Variants in ANK3 observed in about 807,000 individuals in gnomAD.
ANK3 encodes the protein ankyrin-3.
In ANK3, 57 loss-of-function variants were observed where a neutral mutation model predicts 370.9. That is an observed-to-expected ratio of 0.15 (90% CI 0.12 to 0.19). The LOEUF (loss-of-function observed/expected upper bound fraction) is 0.19, where lower values mean the gene tolerates loss of function less well. ANK3 is among the 10% of genes least tolerant of loss of function. ANK3 has a pLI of 1.00. For missense variants in ANK3, 4,439 were observed against 5,302.1 expected (o/e 0.84, Z 5.06); for synonymous variants, 1,929 against 1,946.3 (o/e 0.99, Z 0.23).
Position 60,173,198 on chromosome 10 carries a change from A to AT in ANK3, c.2185-13dup, listed in dbSNP as rs758997055. The AT allele has an allele frequency of 5.0e-6, 8 of 1,584,846 alleles. No homozygotes were observed. In the South Asian group the frequency reaches 5.8e-5, roughly 11 times the overall value. On this transcript the variant is annotated splice_polypyrimidine_tract_variant and intron_variant, in intron 18 of 43. Coordinates refer to ENST00000280772, the MANE Select transcript of ANK3 (RefSeq NM_020987.5). ...GGTGTGTATCCCATCTGTAATTATT[A>AT]TTTTTTTAAAAAAGAAGCATCATAA...
chr10:60,715,557 GCA>G (rs1420712192), intron 1 of ANK3, among the ~76,000 whole-genome samples: 1 of 152,134 alleles, frequency 6.6e-6, no homozygotes, highest in Non-Finnish European at 1.5e-5. Flanking sequence ...TTAAACAAAA[GCA>G]CAGAGACAGG....
chr10:60,061,686 T>C (rs2080497446), intron 40 of ANK3, among the ~76,000 whole-genome samples: 1 of 152,108 alleles, frequency 6.6e-6, no homozygotes, highest in Admixed American at 6.6e-5. Context: ...TCATTACCCA[T>C]TGTGTTTGTT....
At chr10:60,654,615 T>C (rs1308147886) in intron 1 of ANK3, among the ~76,000 whole-genome samples, 2 of 152,202 alleles carry the variant, frequency 1.3e-5, no homozygotes, top group African/African-American at 4.8e-5. Flanking sequence ...AATGTTAAAC[T>C]TGCTTTCCTG....
chr10:60,453,582 T>C (rs764718198), intron 2 of ANK3, among the ~76,000 whole-genome samples: 46 of 152,156 alleles, frequency 3.0e-4, no homozygotes, highest in Admixed American at 7.9e-4. Flanking sequence ...AAGATACACA[T>C]GAAAAAATGG....
At chr10:60,540,921 C>G (rs1224213128) in intron 2 of ANK3, among the ~76,000 whole-genome samples, 1 of 151,782 alleles carries the variant, frequency 6.6e-6, no homozygotes, top group Non-Finnish European at 1.5e-5. Flanking sequence ...ATATTTGCAA[C>G]AGCATGTATA....
chr10:60,067,064 C>T (rs1193578811), intron 38 of ANK3, among the ~76,000 whole-genome samples: 1 of 152,116 alleles, frequency 6.6e-6, no homozygotes, highest in Non-Finnish European at 1.5e-5. Context: ...GGACGACAGG[C>T]ATGCACCACC....
At chr10:60,130,474 A>C (rs1052223572) in intron 25 of ANK3, among the ~76,000 whole-genome samples, 1 of 152,218 alleles carries the variant, frequency 6.6e-6, no homozygotes, top group African/African-American at 2.4e-5. Context: ...TTAACTGGGC[A>C]ATGACAGTGC....
chr10:60,300,661 G>T, intron 1 of ANK3: 1 of 641,582 alleles, frequency 1.6e-6, no homozygotes, highest in Non-Finnish European at 1.9e-6. Context: ...AGGGCAATCA[G>T]CTGGGGATTG....
chr10:60,434,307 C>T (rs1248606608), intron 2 of ANK3, among the ~76,000 whole-genome samples: 2 of 152,088 alleles, frequency 1.3e-5, no homozygotes, highest in Non-Finnish European at 2.9e-5. Flanking sequence ...TATAGCATAG[C>T]CCATGTTTTC....
chr10:60,326,787 C>T (rs1040378409), intron 1 of ANK3, among the ~76,000 whole-genome samples: 2 of 152,072 alleles, frequency 1.3e-5, no homozygotes, highest in African/African-American at 2.4e-5. Flanking sequence ...TTCAGGAGGC[C>T]GAGGCGGGCG....
At chr10:60,400,647 G>T (rs372826033) in intron 2 of ANK3, among the ~76,000 whole-genome samples, 1 of 152,096 alleles carries the variant, frequency 6.6e-6, no homozygotes, top group South Asian at 2.1e-4. Flanking sequence ...AGATTCTAAA[G>T]AAACAAGTCT....
chr10:60,402,841 G>A (rs1438936711), intron 2 of ANK3, among the ~76,000 whole-genome samples: 2 of 152,140 alleles, frequency 1.3e-5, no homozygotes, highest in African/African-American at 2.4e-5. Flanking sequence ...GTGGGAACCT[G>A]CCTGAACCAT....
At chr10:60,045,365 G>A (rs776985181) in intron 42 of ANK3, among the ~76,000 whole-genome samples, 11 of 152,072 alleles carry the variant, frequency 7.2e-5, no homozygotes, top group South Asian at 2.1e-4. Flanking sequence ...CAGGGTGGGC[G>A]CCTATTTTCC....
chr10:60,651,021 A>G (rs958759486), intron 1 of ANK3, among the ~76,000 whole-genome samples: 4 of 152,170 alleles, frequency 2.6e-5, no homozygotes, highest in Admixed American at 2.0e-4. Flanking sequence ...GCTTGAGCAC[A>G]GAAGTTTGAG....
chr10:60,396,490 T>A (rs1312299441), intron 2 of ANK3, among the ~76,000 whole-genome samples: 1 of 152,200 alleles, frequency 6.6e-6, no homozygotes, highest in African/African-American at 2.4e-5. Flanking sequence ...GTAACACTTA[T>A]CTCTTAAACT....
chr10:60,642,774 A>G (rs1277786078), intron 1 of ANK3, among the ~76,000 whole-genome samples: 2 of 152,190 alleles, frequency 1.3e-5, no homozygotes, highest in Non-Finnish European at 2.9e-5. Flanking sequence ...AACTTAAAGT[A>G]TAATAATGAT....
intron 8 of ANK3, among the ~76,000 whole-genome samples, chr10:60,217,072 G>A (rs1335292435): frequency 6.6e-6 from 1 of 151,886 alleles, no homozygotes; most frequent in African/African-American, 2.4e-5. Context: ...TATAGTATTT[G>A]CTGATAGTAG....
intron 2 of ANK3, among the ~76,000 whole-genome samples, chr10:60,582,759 G>A (rs1291368210): frequency 6.6e-6 from 1 of 151,470 alleles, no homozygotes; most frequent in Non-Finnish European, 1.5e-5. Flanking sequence ...TTCCCATTCC[G>A]TAGGTTGTCT....
chr10:60,529,701 G>A (rs1211027338), intron 2 of ANK3, among the ~76,000 whole-genome samples: 1 of 152,106 alleles, frequency 6.6e-6, no homozygotes, highest in African/African-American at 2.4e-5. Context: ...TCATGAATCT[G>A]TTAGTCTTGG....
Sources: gnomAD v4.1 joint callset for allele counts (sites outside exome capture counted in the v4.1 genomes callset) on GRCh38, gnomAD v4.1.1 for gene constraint, MANE v1.5 for transcripts, NCBI Gene and HGNC (gene_info 2026-07-23, HGNC 2026-07-21) for gene names.